Variants in ZBTB46 observed in about 807,000 individuals in gnomAD.
ZBTB46 encodes zinc finger and BTB domain-containing protein 46.
Under a neutral mutation model 44.1 loss-of-function variants are expected in ZBTB46, and 8 were observed. That is an observed-to-expected ratio of 0.18 (90% CI 0.11 to 0.33). The LOEUF (loss-of-function observed/expected upper bound fraction) is 0.33. Among genes scored for constraint, ZBTB46 ranks in the 10% least tolerant of loss-of-function variants. The probability of loss-of-function intolerance (pLI) is 1.00; values close to 1 mark genes in which losing one functional copy is unlikely to be tolerated. For missense variants in ZBTB46, 651 were observed against 847.7 expected (o/e 0.77, Z 2.88); for synonymous variants, 409 against 382.3 (o/e 1.07, Z -0.81).
chr20:63,768,728 G>C (rs6011100), intron 3 of ZBTB46, among the ~76,000 whole-genome samples: 47 of 152,260 alleles, frequency 3.1e-4, no homozygotes, highest in African/African-American at 1.1e-3. Flanking sequence ...ACAGGAAGGA[G>C]AATGCCTTCC....
At chr20:63,778,360 C>T (rs6062314) in intron 2 of ZBTB46, among the ~76,000 whole-genome samples, 135,502 of 152,088 alleles carry the variant, frequency 0.89, 60,711 homozygotes, top group East Asian at 0.99. Context: ...CCCCAGAACA[C>T]GCTGAGCGAT....
intron 1 of ZBTB46, among the ~76,000 whole-genome samples, chr20:63,796,663 TA>T (rs2092606513): frequency 6.6e-6 from 1 of 151,720 alleles, no homozygotes; most frequent in Non-Finnish European, 1.5e-5. Flanking sequence ...CCATCTCTAC[TA>T]AAATACAAAA....
chr20:63,774,982 C>T (rs867755747), intron 3 of ZBTB46, among the ~76,000 whole-genome samples: 1 of 152,182 alleles, frequency 6.6e-6, no homozygotes, highest in Non-Finnish European at 1.5e-5. Context: ...GGATTGCAGG[C>T]GTGAGCCACC....
intron 3 of ZBTB46, among the ~76,000 whole-genome samples, chr20:63,762,235 C>CT (rs1321440545): frequency 6.6e-6 from 1 of 152,166 alleles, no homozygotes; most frequent in Admixed American, 6.5e-5. Context: ...CAAATATTCT[C>CT]TATCCTTACT....
intron 4 of ZBTB46, among the ~76,000 whole-genome samples, chr20:63,750,809 G>A (rs2092152983): frequency 6.6e-6 from 1 of 152,028 alleles, no homozygotes; most frequent in Non-Finnish European, 1.5e-5. Context: ...AGGCTGAGGT[G>A]GGAGGATCGC....
intron 3 of ZBTB46, chr20:63,769,152 T>A (rs1395262848): frequency 1.0e-6 from 1 of 982,578 alleles, no homozygotes; most frequent in Non-Finnish European, 1.2e-6. Flanking sequence ...CCCGGGCTCA[T>A]CTGGGCCGTG....
chr20:63,746,879 A>G lies in ZBTB46; in HGVS notation c.*51T>C. 6.9e-7 allele frequency: 1 copy of G among 1,452,258 alleles called. No homozygotes were observed. The highest frequency in any genetic ancestry group is 2.5e-5 in the Admixed American group (1 of 39,882). 90.0% of individuals were successfully genotyped at this position (1,452,258 alleles called of 1,614,324 possible). On this transcript the variant is annotated 3_prime_UTR_variant, in exon 5 of 5. Transcript: ENST00000245663. ...CCCGCAGTGGAGACCCACCGGACAC[A>G]CACACGGGTGGACGGAGCGAGGCAG...
chr20:63,785,236 A>AAAG (rs1200652364), intron 2 of ZBTB46, among the ~76,000 whole-genome samples: 1 of 144,408 alleles, frequency 6.9e-6, no homozygotes, highest in African/African-American at 2.6e-5. Context: ...AAAAAAAAAA[A>AAAG]AAAGAAAAGA....
chr20:63,808,990 A>AAG (rs1431465979), intron 1 of ZBTB46, among the ~76,000 whole-genome samples: 3 of 147,286 alleles, frequency 2.0e-5, no homozygotes, highest in Non-Finnish European at 4.5e-5. Context: ...AAAAAAAAAA[A>AAG]AAAAAAAAAG....
intron 2 of ZBTB46, among the ~76,000 whole-genome samples, chr20:63,788,607 G>A (rs1198416412): frequency 6.6e-6 from 1 of 152,048 alleles, no homozygotes; most frequent in Non-Finnish European, 1.5e-5. Flanking sequence ...GGGAGGCTGA[G>A]GTGGGTGGAT....
chr20:63,774,642 A>G (rs1243823106), intron 3 of ZBTB46, among the ~76,000 whole-genome samples: 4 of 149,154 alleles, frequency 2.7e-5, no homozygotes, highest in East Asian at 2.0e-4. Flanking sequence ...GGGGGCCCAC[A>G]TGAGCGCGAG....
intron 3 of ZBTB46, among the ~76,000 whole-genome samples, chr20:63,763,970 T>C (rs1601414363): frequency 6.6e-6 from 1 of 152,280 alleles, no homozygotes; most frequent in Non-Finnish European, 1.5e-5. Context: ...TTTTTTCTTT[T>C]TCTTTTTTTT....
intron 1 of ZBTB46, among the ~76,000 whole-genome samples, chr20:63,810,845 G>C (rs890929323): frequency 4.6e-5 from 7 of 152,250 alleles, no homozygotes; most frequent in Admixed American, 3.9e-4. Context: ...CAGCACCCAG[G>C]AGGTGAACAG....
rs149501430 is a variant in ZBTB46, at chr20:63,790,545, C to T, written c.213G>A (p.Thr71=). 203 of 1,613,172 alleles carry T rather than the reference C, an allele frequency of 1.3e-4. 1 individual carries two copies. In the African/African-American group the frequency reaches 1.6e-3, roughly 13 times the overall value. The part of the protein sequence containing the change: ...CQVQKTSEQA[T]VTHLDIVTAQ... ...CCGTGACGATGTCCAGGTGCGTGAC[C>T]GTGGCCTGCTCCGACGTCTTCTGCA... is the stretch of plus-strand genomic sequence containing the variant. The change falls in exon 2 of 5, where the codon ACG becomes ACA. Residue 71 remains threonine (T), a synonymous_variant. Coordinates refer to ENST00000245663, the MANE Select transcript of ZBTB46 (RefSeq NM_001369741.1).
rs1220649794 is a variant in ZBTB46, at chr20:63,767,655, C to G, written c.1222+8023G>C. On this transcript the variant is annotated intron_variant, in intron 3 of 4. Transcript: ENST00000245663. This position sits in a 1 kb window ranked among gnomAD's most constrained non-coding sequence, Gnocchi z 5.0. ...CTCCAGCGCACAGACCAGAGGCACCCGCAGTTCTGTCCCAAACCACTTCCA... is the reference window on the plus strand; with the variant it reads ...CTCCAGCGCACAGACCAGAGGCACCGGCAGTTCTGTCCCAAACCACTTCCA... Among the ~76,000 whole-genome samples the G allele has an allele frequency of 6.6e-6, 1 of 152,204 alleles. No individual in the cohort carries two copies. Among genetic ancestry groups the G allele is most frequent in the Non-Finnish European group, 1.5e-5 (1 of 68,034 alleles).
chr20:63,778,354 A>C (rs574022508), intron 2 of ZBTB46, among the ~76,000 whole-genome samples: 2 of 152,236 alleles, frequency 1.3e-5, no homozygotes, highest in Non-Finnish European at 2.9e-5. Flanking sequence ...AAACACCCCC[A>C]GAACACGCTG....
intron 3 of ZBTB46, among the ~76,000 whole-genome samples, chr20:63,771,431 C>A (rs1261192412): frequency 3.3e-5 from 5 of 152,206 alleles, no homozygotes; most frequent in Non-Finnish European, 5.9e-5. Context: ...CCGGGCCTGG[C>A]GCTCCCGCAC....
intron 4 of ZBTB46, among the ~76,000 whole-genome samples, chr20:63,750,065 A>G (rs999705105): frequency 1.1e-4 from 16 of 152,190 alleles, no homozygotes; most frequent in African/African-American, 3.6e-4. Context: ...GAGCGGGTGG[A>G]GGGGCCACCC....
At chr20:63,770,168 C>T (rs1008652119) in intron 3 of ZBTB46, among the ~76,000 whole-genome samples, 7 of 152,250 alleles carry the variant, frequency 4.6e-5, no homozygotes, top group South Asian at 4.1e-4. Context: ...GCCGACCGGC[C>T]GGCGGCGCAT....
Sources: gnomAD v4.1 joint callset for allele counts (sites outside exome capture counted in the v4.1 genomes callset) on GRCh38, gnomAD v4.1.1 for gene constraint, Gnocchi (gnomAD v3.1) non-coding constraint, MANE v1.5 for transcripts, NCBI Gene and HGNC (gene_info 2026-07-23, HGNC 2026-07-21) for gene names.